The following DPP10 variants were observed in gnomAD, a reference collection of about 807,000 sequenced individuals.
The protein encoded by DPP10 is inactive dipeptidyl peptidase 10.
A neutral mutation model predicts 120.9 loss-of-function variants in DPP10; 33 were observed. The ratio of observed to expected loss-of-function variants is 0.27; its 90% confidence interval spans 0.21 to 0.37. The LOEUF is 0.37. Among genes scored for constraint, DPP10 ranks in the 10% least tolerant of loss-of-function variants. DPP10 has a pLI of 1.00. For synonymous variants in DPP10, 337 were observed against 326.1 expected (o/e 1.03, Z -0.36); for missense variants, 816 against 942.8 (o/e 0.87, Z 1.76).
intron 3 of DPP10, among the ~76,000 whole-genome samples, chr2:115,411,765 A>T (rs2104585346): frequency 6.6e-6 from 1 of 152,278 alleles, no homozygotes; most frequent in East Asian, 1.9e-4. Flanking sequence ...ATTTGCAACT[A>T]TTATCTTCTT....
chr2:115,764,607 T>C (rs1428927410), intron 12 of DPP10, among the ~76,000 whole-genome samples: 2 of 152,130 alleles, frequency 1.3e-5, no homozygotes, highest in South Asian at 4.1e-4. Context: ...TTAACATATG[T>C]CAACATAATG....
At chr2:114,528,270 A>G (rs750844128) in intron 1 of DPP10, among the ~76,000 whole-genome samples, 2 of 152,180 alleles carry the variant, frequency 1.3e-5, no homozygotes, top group Non-Finnish European at 2.9e-5. Flanking sequence ...GCCAGGGACT[A>G]TCATAGTCAA....
intron 7 of DPP10, among the ~76,000 whole-genome samples, chr2:115,726,747 A>G (rs2092773954): frequency 6.6e-6 from 1 of 152,148 alleles, no homozygotes; most frequent in Non-Finnish European, 1.5e-5. Context: ...TAGATGTTCA[A>G]ATTGCTCTTG....
At chr2:115,273,749 A>G (rs2059798064) in intron 1 of DPP10, among the ~76,000 whole-genome samples, 2 of 152,340 alleles carry the variant, frequency 1.3e-5, no homozygotes, top group Non-Finnish European at 2.9e-5. Context: ...TAATGTTCTT[A>G]AAATTATTAA....
intron 1 of DPP10, among the ~76,000 whole-genome samples, chr2:115,036,688 T>C (rs1704249435): frequency 6.6e-6 from 1 of 152,306 alleles, no homozygotes; most frequent in African/African-American, 2.4e-5. Flanking sequence ...TTTTTATTTG[T>C]TTGTTTGTTT....
At chr2:115,410,598 C>A (rs1037990106) in intron 3 of DPP10, among the ~76,000 whole-genome samples, 3 of 152,154 alleles carry the variant, frequency 2.0e-5, no homozygotes, top group African/African-American at 7.2e-5. Flanking sequence ...AACAAACCTG[C>A]ACATGCACCT....
intron 1 of DPP10, among the ~76,000 whole-genome samples, chr2:114,840,379 T>A (rs376315372): frequency 2.0e-5 from 3 of 152,108 alleles, no homozygotes; most frequent in Non-Finnish European, 4.4e-5. Flanking sequence ...GTTTGGCCTG[T>A]TCTCTTGGAT....
chr2:115,652,077 G>C (rs61706228), intron 5 of DPP10, among the ~76,000 whole-genome samples: 1 of 152,056 alleles, frequency 6.6e-6, no homozygotes, highest in African/African-American at 2.4e-5. Context: ...TTTAAAGACT[G>C]TTTTTCTCAG....
chr2:115,233,146 T>C (rs960072735), intron 1 of DPP10, among the ~76,000 whole-genome samples: 2 of 152,196 alleles, frequency 1.3e-5, no homozygotes, highest in African/African-American at 2.4e-5. Flanking sequence ...TAATTTATTC[T>C]GTTATATAAA....
At chr2:114,698,481 T>C (rs1482544428) in intron 1 of DPP10, among the ~76,000 whole-genome samples, 1 of 152,144 alleles carries the variant, frequency 6.6e-6, no homozygotes, top group Non-Finnish European at 1.5e-5. Context: ...AAATTTGTCA[T>C]TTTTAGCTAT....
chr2:114,936,447 A>ACATATATACGCG (rs1167624845), intron 1 of DPP10, among the ~76,000 whole-genome samples: 1 of 151,858 alleles, frequency 6.6e-6, no homozygotes, highest in Non-Finnish European at 1.5e-5. Flanking sequence ...ATATATACGC[A>ACATATATACGCG]CATATATATA....
At chr2:115,063,577 C>A (rs1165961127) in intron 1 of DPP10, among the ~76,000 whole-genome samples, 1 of 152,094 alleles carries the variant, frequency 6.6e-6, no homozygotes, top group Non-Finnish European at 1.5e-5. Flanking sequence ...ACACACAGAC[C>A]AATGAAACAG....
At chr2:115,480,968 G>A (rs1049889326) in intron 3 of DPP10, among the ~76,000 whole-genome samples, 16 of 152,106 alleles carry the variant, frequency 1.1e-4, no homozygotes, top group African/African-American at 3.6e-4. Context: ...TGCCATCTGT[G>A]CAAACAGGTG....
At chr2:115,136,432 A>G (rs987958249) in intron 1 of DPP10, among the ~76,000 whole-genome samples, 3 of 152,192 alleles carry the variant, frequency 2.0e-5, no homozygotes, top group African/African-American at 7.2e-5. Context: ...TACAGGTCGC[A>G]TCAACTGGTC....
intron 11 of DPP10, among the ~76,000 whole-genome samples, chr2:115,757,080 A>T (rs1679504926): frequency 6.7e-6 from 1 of 148,406 alleles, no homozygotes; most frequent in Non-Finnish European, 1.5e-5. Flanking sequence ...ATGATTCCGG[A>T]GTGGGGAGCA....
intron 1 of DPP10, among the ~76,000 whole-genome samples, chr2:115,223,856 T>A (rs181574953): frequency 4.3e-4 from 66 of 152,284 alleles, no homozygotes; most frequent in Middle Eastern, 3.4e-3. Context: ...GGAAGCAAAC[T>A]TTCCTTTCAC....
chr2:115,808,532 T>C (rs1239864005), intron 19 of DPP10, among the ~76,000 whole-genome samples: 1 of 152,162 alleles, frequency 6.6e-6, no homozygotes, highest in East Asian at 1.9e-4. Context: ...ATATAGAATC[T>C]CATTTAATCC....
At chr2:115,433,192 T>G (rs536810539) in intron 3 of DPP10, among the ~76,000 whole-genome samples, 5 of 152,218 alleles carry the variant, frequency 3.3e-5, no homozygotes, top group Admixed American at 3.3e-4. Context: ...GTAACAATTT[T>G]TATAAATGTT....
intron 1 of DPP10, among the ~76,000 whole-genome samples, chr2:114,767,814 A>G (rs955846396): frequency 4.6e-5 from 7 of 152,150 alleles, no homozygotes; most frequent in Non-Finnish European, 1.0e-4. Context: ...TACCAGTGGA[A>G]TACTATCTTC....
Sources: gnomAD v4.1 joint callset for allele counts (sites outside exome capture counted in the v4.1 genomes callset) on GRCh38, gnomAD v4.1.1 for gene constraint, MANE v1.5 for transcripts, NCBI Gene and HGNC (gene_info 2026-07-23, HGNC 2026-07-21) for gene names.